ACSS3: variants seen among roughly 807,000 people sequenced by gnomAD.
ACSS3 encodes acyl-CoA synthetase short chain family member 3.
Under a neutral mutation model 84.2 loss-of-function variants are expected in ACSS3, and 64 were observed. The ratio of observed to expected loss-of-function variants is 0.76; its 90% CI spans 0.62 to 0.94. The LOEUF (loss-of-function observed/expected upper bound fraction) is 0.94, where lower values mean the gene tolerates loss of function less well. ACSS3 is among the 40% of genes least tolerant of loss of function. ACSS3 has a pLI of 0.00. For synonymous variants in ACSS3, 317 were observed against 310.1 expected, an observed-to-expected ratio of 1.02 and a Z score of -0.23; for missense variants, 815 against 867.6, an observed-to-expected ratio of 0.94 and a Z score of 0.76.
intron 13 of ACSS3, among the ~76,000 whole-genome samples, chr12:81,235,404 A>T (rs1018043312): frequency 2.0e-5 from 3 of 151,224 alleles, no homozygotes; most frequent in Non-Finnish European, 4.4e-5. Flanking sequence ...TGTATCTTAG[A>T]GTTGAATATT....
In ACSS3 at chr12:81,109,623, A is replaced by G. The variant is rs1883396916; in HGVS notation, c.375A>G (p.Lys125=). 6.2e-7 allele frequency: 1 copy of G among 1,612,890 alleles called. No individual in the cohort carries two copies. The highest frequency in any genetic ancestry group is 8.5e-7 in the Non-Finnish European group (1 of 1,179,400). ...NAVDRHIENG[K]GDKIAIIYDS... is the part of the protein sequence containing the mutation. ...TTGATCGTCATATTGAAAATGGTAAAGGGGATAAGATTGCTATCATCTATG... is the reference window on the plus strand; with the variant it reads ...TTGATCGTCATATTGAAAATGGTAAGGGGGATAAGATTGCTATCATCTATG... The change falls in exon 2 of 16, where the codon AAA becomes AAG. Residue 125 remains lysine (K), a synonymous_variant. Coordinates refer to ENST00000548058, the MANE Select transcript of ACSS3 (RefSeq NM_024560.4).
intron 9 of ACSS3, among the ~76,000 whole-genome samples, chr12:81,203,555 A>G (rs1465379223): frequency 1.3e-5 from 2 of 152,214 alleles, no homozygotes; most frequent in East Asian, 3.8e-4. Flanking sequence ...TTCAAATAAT[A>G]TCTAATAATC....
upstream of ACSS3, chr12:81,077,984 T>C (rs1388001872): frequency 5.5e-6 from 6 of 1,098,632 alleles, no homozygotes; most frequent in Non-Finnish European, 7.4e-6. Context: ...CCGGCGACTC[T>C]AGTGTGGCTT....
intron 1 of ACSS3, among the ~76,000 whole-genome samples, chr12:81,093,156 G>T (rs1312439758): frequency 6.6e-6 from 1 of 152,096 alleles, no homozygotes; most frequent in African/African-American, 2.4e-5. Context: ...TATTTATTCA[G>T]AAATAATTCT....
chr12:81,146,287 T>C (rs936664427), intron 5 of ACSS3, among the ~76,000 whole-genome samples: 2 of 152,180 alleles, frequency 1.3e-5, no homozygotes. Flanking sequence ...ACAATTCTCG[T>C]TTCATTTTTC....
intron 9 of ACSS3, among the ~76,000 whole-genome samples, chr12:81,213,940 TC>T (rs2032775090): frequency 2.2e-5 from 2 of 92,748 alleles, no homozygotes; most frequent in Non-Finnish European, 4.8e-5. Context: ...TTCCTTTCTC[TC>T]TCTCTCTCCC....
At chr12:81,109,799 G>T (rs1883420884) in intron 2 of ACSS3, 95 bp downstream of exon 2, 2 of 1,026,804 alleles carry the variant, frequency 1.9e-6, no homozygotes, top group Non-Finnish European at 1.3e-6. Context: ...ATTCTCTAAT[G>T]CATTGAAATA....
intron 10 of ACSS3, among the ~76,000 whole-genome samples, chr12:81,219,285 C>A (rs1469950808): frequency 2.0e-5 from 3 of 152,126 alleles, no homozygotes; most frequent in Non-Finnish European, 4.4e-5. Flanking sequence ...AAACAAAGTG[C>A]TCCAGGAACA....
intron 5 of ACSS3, among the ~76,000 whole-genome samples, chr12:81,145,021 C>T (rs1296076530): frequency 2.0e-5 from 3 of 150,220 alleles, no homozygotes; most frequent in South Asian, 4.2e-4. Flanking sequence ...GTGCCTTAGC[C>T]CCCCGAGTAG....
chr12:81,236,994 A>G (rs913437516), intron 13 of ACSS3, among the ~76,000 whole-genome samples: 2 of 151,368 alleles, frequency 1.3e-5, no homozygotes, highest in African/African-American at 2.4e-5. Context: ...ATTTTTCTCT[A>G]CTTAAAAGGG....
rs1171599587 is a variant in ACSS3 at position 81,259,218 on chromosome 12, G to A, written c.*4296G>A. On this transcript the variant is annotated 3_prime_UTR_variant, in exon 16 of 16. Coordinates refer to ENST00000548058, the MANE Select transcript of ACSS3 (RefSeq NM_024560.4). The stretch of plus-strand genomic sequence containing the variant: ...CCAAAAACTGTAAAAATGGTGGAAT[G>A]GTAAAATACAAACAGTACTTGGAAT... 1 of 233,964 alleles carries A rather than the reference G, an allele frequency of 4.3e-6. No individual in the cohort carries two copies. Among genetic ancestry groups the A allele is most frequent in the Admixed American group, 5.6e-5 (1 of 17,800 alleles). The allele number at this position is 233,964 out of a possible 1,614,324, so 14.5% of individuals were successfully genotyped here.
chr12:81,241,272 T>C (rs1162943035), intron 13 of ACSS3, among the ~76,000 whole-genome samples: 1 of 152,110 alleles, frequency 6.6e-6, no homozygotes, highest in Non-Finnish European at 1.5e-5. Flanking sequence ...TCTTTGCTAT[T>C]GTGAATAGTG....
chr12:81,252,604 T>C (rs1246174754), intron 13 of ACSS3, among the ~76,000 whole-genome samples: 1 of 149,562 alleles, frequency 6.7e-6, no homozygotes. Context: ...CCCGTCACCA[T>C]ATATATATAT....
chr12:81,100,216 GTTTTTTTT>G (rs34512313), intron 1 of ACSS3, among the ~76,000 whole-genome samples: 3 of 106,558 alleles, frequency 2.8e-5, no homozygotes, highest in Non-Finnish European at 3.7e-5. Context: ...AAAATTACCA[GTTTTTTTT>G]TTTTTTTTTT....
chr12:81,204,293 C>T (rs1237085691), intron 9 of ACSS3, among the ~76,000 whole-genome samples: 1 of 150,070 alleles, frequency 6.7e-6, no homozygotes, highest in East Asian at 2.0e-4. Flanking sequence ...CCTCTTCTTC[C>T]TTCCTCCTCT....
intron 13 of ACSS3, among the ~76,000 whole-genome samples, chr12:81,235,948 T>A (rs1372335957): frequency 2.0e-5 from 3 of 151,578 alleles, no homozygotes; most frequent in East Asian, 1.9e-4. Flanking sequence ...CTTTCCAATC[T>A]GAATGCTTTT....
intron 7 of ACSS3, among the ~76,000 whole-genome samples, chr12:81,166,243 A>G (rs140036741): frequency 4.6e-5 from 7 of 152,312 alleles, no homozygotes; most frequent in African/African-American, 1.7e-4. Context: ...TCAGGTGGCT[A>G]TTGTAAGAGA....
intron 8 of ACSS3, among the ~76,000 whole-genome samples, chr12:81,184,092 A>C (rs2135851476): frequency 6.6e-6 from 1 of 152,144 alleles, no homozygotes; most frequent in South Asian, 2.1e-4. Context: ...ATTTAGTATA[A>C]TTTTAGACCA....
chr12:81,230,870 T>G (rs564453875), intron 11 of ACSS3, among the ~76,000 whole-genome samples, 187 bp from the exon 12 acceptor site: 1 of 151,972 alleles, frequency 6.6e-6, no homozygotes, highest in South Asian at 2.1e-4. Context: ...TCTTCAACAA[T>G]TCTGCTGTAC....
Sources: allele counts gnomAD v4.1 joint callset (sites outside exome capture counted in the v4.1 genomes callset), GRCh38; gene constraint gnomAD v4.1.1; transcripts MANE v1.5; gene names NCBI Gene and HGNC (gene_info 2026-07-23, HGNC 2026-07-21).